Variants in TUBB2A observed in about 807,000 individuals in gnomAD.
TUBB2A encodes the protein tubulin beta-2A chain.
TUBB2A carries 7 observed loss-of-function variants against 33.9 expected under a neutral mutation model. The observed-to-expected ratio is 0.21, with a 90% CI of 0.12 to 0.39. The LOEUF is 0.39. TUBB2A is among the 10% of genes least tolerant of loss of function. The pLI, the probability that TUBB2A is intolerant of heterozygous loss-of-function variation, is 1.00. For synonymous variants in TUBB2A, 187 were observed against 247.6 expected (o/e 0.76, Z 2.30); for missense variants, 80 against 593.4 (o/e 0.13, Z 8.99).
In TUBB2A at chr6:3,155,766, T is replaced by G. The variant is rs763648440; in HGVS notation, c.167-31A>C. 1 of 1,564,142 alleles carries G rather than the reference T, an allele frequency of 6.4e-7. No individual in the cohort carries two copies. The highest frequency in any genetic ancestry group is 2.2e-5 in the East Asian group (1 of 44,596). Reference sequence around the variant, plus strand: ...GGAAATAAGAACTGACTCAGGCCTGTGCTTGGGGAGGGACTCACAGCAGCA... The same window carrying G: ...GGAAATAAGAACTGACTCAGGCCTGGGCTTGGGGAGGGACTCACAGCAGCA... On this transcript the variant is annotated intron_variant, in intron 2 of 3. Transcript: ENST00000333628. This position sits in a 1 kb window ranked among gnomAD's most constrained non-coding sequence, Gnocchi z 4.2.
Position 3,155,533 on chromosome 6 carries a change from C to T in TUBB2A, c.277+92G>A, listed in dbSNP as rs1762618552. On this transcript the variant is annotated intron_variant, in intron 3 of 3. Transcript: ENST00000333628. The surrounding 1 kb of genome is among the most constrained non-coding windows in gnomAD (Gnocchi z 4.2). ...CAGGGCTGCCGTGGACACAGTGTCACCTTGGCACTGAACACTAAGAACTGT... is the reference window on the plus strand; with the variant it reads ...CAGGGCTGCCGTGGACACAGTGTCATCTTGGCACTGAACACTAAGAACTGT... 2.0e-6 allele frequency: 2 copies of T among 985,372 alleles called. No homozygotes were observed. Among genetic ancestry groups the T allele is most frequent in the Admixed American group, 2.2e-5 (1 of 45,222 alleles). The allele number at this position is 985,372 out of a possible 1,614,324, so 61.0% of individuals were successfully genotyped here.
At chr6:3,157,295 G>C (rs1762653756) in intron 1 of TUBB2A, 112 bp downstream of exon 1, 1 of 1,189,330 alleles carries the variant, frequency 8.4e-7, no homozygotes, top group Non-Finnish European at 1.0e-6. Flanking sequence ...CGGCCTCGCC[G>C]CGGAATGTGC....
rs185635786 is a variant in TUBB2A at position 3,155,319 on chromosome 6, C to A, written c.277+306G>T. On this transcript the variant is annotated intron_variant, in intron 3 of 3. Transcript: ENST00000333628. This position sits in a 1 kb window ranked among gnomAD's most constrained non-coding sequence, Gnocchi z 4.2. ...CTCTGGTCATAACCTGTGCTTTTGG[C>A]CCCTGGCTCTTTGAAGTCCTTTCAA... 3.3e-5 allele frequency among the ~76,000 whole-genome samples: 5 copies of A among 152,346 alleles called. No individual in the cohort carries two copies. Among genetic ancestry groups the A allele is most frequent in the African/African-American group, 1.2e-4 (5 of 41,576 alleles).
chr6:3,156,292 C>G, intron 1 of TUBB2A, 140 bp from the exon 2 acceptor site: 1 of 1,442,520 alleles, frequency 6.9e-7, no homozygotes, highest in Non-Finnish European at 9.3e-7. Flanking sequence ...CAAAGAGCTG[C>G]ACCCCCTATT....
At position 3,154,511 on chromosome 6, in the gene TUBB2A, C is replaced by G. The variant is rs1429556932; in HGVS notation, c.690G>C (p.Ser230=). Residue 230 remains serine (S), a synonymous_variant, in exon 4 of 4, where the codon TCG becomes TCC. Transcript: ENST00000333628. ...AGGTGGTGACCCCGCTCATGGTGGC[C>G]GACACCAGGTGGTTGAGGTCCCCGT... is the stretch of plus-strand genomic sequence containing the variant. ...PTYGDLNHLV[S]ATMSGVTTCL... The G allele has an allele frequency of 3.1e-6, 5 of 1,608,410 alleles. No homozygotes were observed. The highest frequency in any genetic ancestry group is 4.2e-6 in the Non-Finnish European group (5 of 1,178,098).
chr6:3,157,541 A>C lies in TUBB2A; in HGVS notation c.-78T>G, dbSNP rs1466347861. On this transcript the variant is annotated 5_prime_UTR_variant, in exon 1 of 4. Coordinates refer to ENST00000333628, the MANE Select transcript of TUBB2A (RefSeq NM_001069.3). ...GACCGGCGGGCTGGGCTGCGCAGAG[A>C]CCTGCCGCCGCCCCCCCAGCTCGGT... is the stretch of plus-strand genomic sequence containing the variant. The C allele has an allele frequency of 2.2e-6, 3 of 1,372,464 alleles. No individual in the cohort carries two copies. Among genetic ancestry groups the C allele is most frequent in the South Asian group, 1.6e-5 (1 of 61,400 alleles). The allele number at this position is 1,372,464 out of a possible 1,614,324, so 85.0% of individuals were successfully genotyped here.
rs374329827 is a variant in TUBB2A at position 3,156,802 on chromosome 6, C to G, written c.57+605G>C. Among the ~76,000 whole-genome samples, 5 of 152,170 alleles carry G rather than the reference C, an allele frequency of 3.3e-5. No individual in the cohort carries two copies. The South Asian group carries it at 8.3e-4, about 25-fold the overall frequency. ...AACATGGCGGTTCTCAAAGAGACCACGTCCTTGTACTGGCGCCCGCCCCCA... is the reference window on the plus strand; with the variant it reads ...AACATGGCGGTTCTCAAAGAGACCAGGTCCTTGTACTGGCGCCCGCCCCCA... On this transcript the variant is annotated intron_variant, in intron 1 of 3. Transcript: ENST00000333628.
Position 3,155,087 on chromosome 6 carries a change from C to T in TUBB2A, c.278-164G>A. On this transcript the variant is annotated intron_variant, in intron 3 of 3. Coordinates refer to ENST00000333628, the MANE Select transcript of TUBB2A (RefSeq NM_001069.3). This position sits in a 1 kb window ranked among gnomAD's most constrained non-coding sequence, Gnocchi z 4.2. ...AAATATTTTTCTATGTCAGTGACCT[C>T]AAAAACACTGGGGATCATAATAAAG... 1 of 1,471,218 alleles carries T rather than the reference C, an allele frequency of 6.8e-7. No individual in the cohort carries two copies. Among genetic ancestry groups the T allele is most frequent in the South Asian group, 1.4e-5 (1 of 71,160 alleles). The allele number at this position is 1,471,218 out of a possible 1,614,324, so 91.1% of individuals were successfully genotyped here.
intron 1 of TUBB2A, among the ~76,000 whole-genome samples, chr6:3,157,026 G>T (rs1403157948): frequency 6.6e-6 from 1 of 152,212 alleles, no homozygotes; most frequent in Admixed American, 6.5e-5. Context: ...TGTTACATCT[G>T]CCAGTCCAGT....
chr6:3,153,714 CTG>C lies in TUBB2A; in HGVS notation c.*147_*148del. The C allele has an allele frequency of 8.0e-7, 1 of 1,254,506 alleles. No homozygotes were observed. Among genetic ancestry groups the C allele is most frequent in the East Asian group, 2.5e-5 (1 of 39,462 alleles). 77.7% of individuals were successfully genotyped at this position (1,254,506 alleles called of 1,614,324 possible). A position where few individuals can be genotyped will look rare whatever the true frequency, so the allele number is the denominator to read the frequency against. On this transcript the variant is annotated 3_prime_UTR_variant, in exon 4 of 4. Coordinates refer to ENST00000333628, the MANE Select transcript of TUBB2A (RefSeq NM_001069.3). ...AGTATAGATACCTTCACAGACAATA[CTG>C]TAATTTTTAGAGGAGTTCCACATCA...
In TUBB2A at chr6:3,157,480, C is replaced by G; in HGVS notation, c.-17G>C. Reference sequence around the variant, plus strand: ...CTCGCGCATGGTGCCGGCTGCGGAGCGGGTGGCGCTGGCCCTCGGAGCGGT... The same window carrying G: ...CTCGCGCATGGTGCCGGCTGCGGAGGGGGTGGCGCTGGCCCTCGGAGCGGT... On this transcript the variant is annotated 5_prime_UTR_variant, in exon 1 of 4. Transcript: ENST00000333628. The G allele has an allele frequency of 6.6e-7, 1 of 1,516,258 alleles. No homozygotes were observed. The highest frequency in any genetic ancestry group is 8.8e-7 in the Non-Finnish European group (1 of 1,138,272). 93.9% of individuals were successfully genotyped at this position (1,516,258 alleles called of 1,614,324 possible). A position where few individuals can be genotyped will look rare whatever the true frequency, so the allele number is the denominator to read the frequency against.
intron 1 of TUBB2A, among the ~76,000 whole-genome samples, chr6:3,156,449 G>A (rs1478086710): frequency 6.6e-6 from 1 of 152,310 alleles, no homozygotes; most frequent in South Asian, 2.1e-4. Flanking sequence ...GAGTAGAGAA[G>A]TGGAGAAGGG....
intron 3 of TUBB2A, 57 bp from the exon 4 acceptor site, chr6:3,154,980 C>A: frequency 6.2e-7 from 1 of 1,608,620 alleles, no homozygotes; most frequent in South Asian, 1.1e-5. Context: ...CAAAATCTGT[C>A]ATTTTGACTA....
Position 3,156,217 on chromosome 6 carries a change from C to T in TUBB2A, c.58-65G>A, listed in dbSNP as rs542427254. 3,066 of 1,607,462 alleles carry T rather than the reference C, an allele frequency of 1.9e-3. 39 individuals are homozygous for T. The South Asian group carries it at 0.027, about 14-fold the overall frequency. ...GAATGTCACTAAGGATGGCCTTGTC[C>T]TCCTCCCATGTCCTTGGAACAGGGG... On this transcript the variant is annotated intron_variant, in intron 1 of 3. Transcript: ENST00000333628.
intron 1 of TUBB2A, among the ~76,000 whole-genome samples, chr6:3,156,973 AT>A (rs1198439156): frequency 6.6e-6 from 1 of 152,220 alleles, no homozygotes; most frequent in Non-Finnish European, 1.5e-5. Flanking sequence ...GAGCAAGGGA[AT>A]TTATCTAACA....
chr6:3,157,044 C>T (rs1472868393), intron 1 of TUBB2A, among the ~76,000 whole-genome samples: 1 of 152,264 alleles, frequency 6.6e-6, no homozygotes, highest in Non-Finnish European at 1.5e-5. Flanking sequence ...AGTGACACTG[C>T]ATGTTTTCAT....
At position 3,155,161 on chromosome 6, in the gene TUBB2A, A is replaced by T. The variant is rs370329801; in HGVS notation, c.278-238T>A. ...GAGGCTATTGATTGAGGAAGAGGATAGGGTTAGAAAACTTAATTGGTTCTG... is the reference window on the plus strand; with the variant it reads ...GAGGCTATTGATTGAGGAAGAGGATTGGGTTAGAAAACTTAATTGGTTCTG... On this transcript the variant is annotated intron_variant, in intron 3 of 3. Transcript: ENST00000333628. This position sits in a 1 kb window ranked among gnomAD's most constrained non-coding sequence, Gnocchi z 4.2. The T allele has an allele frequency of 1.7e-6, 2 of 1,184,020 alleles. No homozygotes were observed. Among genetic ancestry groups the T allele is most frequent in the Non-Finnish European group, 2.3e-6 (2 of 869,932 alleles). 73.3% of individuals were successfully genotyped at this position (1,184,020 alleles called of 1,614,324 possible). A position where few individuals can be genotyped will look rare whatever the true frequency, so the allele number is the denominator to read the frequency against.
In TUBB2A at chr6:3,155,740, A is replaced by G. The variant is rs1344256257; in HGVS notation, c.167-5T>C. On this transcript the variant is annotated splice_region_variant and splice_polypyrimidine_tract_variant and intron_variant, in intron 2 of 3. Transcript: ENST00000333628. The surrounding 1 kb of genome is among the most constrained non-coding windows in gnomAD (Gnocchi z 4.2). ...CCCGAGGTACATATTTGTTACCTGCAGGAAATAAGAACTGACTCAGGCCTG... is the reference window on the plus strand; with the variant it reads ...CCCGAGGTACATATTTGTTACCTGCGGGAAATAAGAACTGACTCAGGCCTG... The G allele has an allele frequency of 3.1e-6, 5 of 1,609,978 alleles. No homozygotes were observed. The highest frequency in any genetic ancestry group is 3.3e-5 in the Admixed American group (2 of 59,964).
At position 3,155,716 on chromosome 6, in the gene TUBB2A, C is replaced by G; in HGVS notation, c.186G>C (p.Arg62=). The change falls in exon 3 of 4, where the codon CGG becomes CGC. Residue 62 remains arginine (R), a synonymous_variant. Transcript: ENST00000333628. This position sits in a 1 kb window ranked among gnomAD's most constrained non-coding sequence, Gnocchi z 4.2. The part of the protein sequence containing the change: ...NEAAGNKYVP[R]AILVDLEPGT... Reference sequence around the variant, plus strand: ...CAGGCTCCAGATCCACCAGGATGGCCCGAGGTACATATTTGTTACCTGCAG... The same window carrying G: ...CAGGCTCCAGATCCACCAGGATGGCGCGAGGTACATATTTGTTACCTGCAG... 1 of 1,613,934 alleles carries G rather than the reference C, an allele frequency of 6.2e-7. No homozygotes were observed. Among genetic ancestry groups the G allele is most frequent in the Non-Finnish European group, 8.5e-7 (1 of 1,179,948 alleles).
Sources: gnomAD v4.1 joint callset for allele counts (sites outside exome capture counted in the v4.1 genomes callset) on GRCh38, gnomAD v4.1.1 for gene constraint, Gnocchi (gnomAD v3.1) non-coding constraint, MANE v1.5 for transcripts, NCBI Gene and HGNC (gene_info 2026-07-23, HGNC 2026-07-21) for gene names.